STAC: variants seen among roughly 807,000 people sequenced by gnomAD.
STAC encodes the protein SH3 and cysteine-rich domain-containing protein.
Under a neutral mutation model 48.8 loss-of-function variants are expected in STAC, and 43 were observed. That is an observed-to-expected ratio of 0.88 (90% CI 0.69 to 1.14). The LOEUF is 1.14. Ranked by LOEUF, STAC falls within the 50% of genes most tolerant of loss-of-function variation. STAC has a pLI of 0.00. For missense variants in STAC, 497 were observed against 504.0 expected (o/e 0.99, Z 0.13); for synonymous variants, 193 against 179.5 (o/e 1.07, Z -0.60).
intron 1 of STAC, among the ~76,000 whole-genome samples, chr3:36,430,343 T>G (rs1230817466): frequency 3.3e-5 from 5 of 152,128 alleles, no homozygotes; most frequent in Non-Finnish European, 7.4e-5. Context: ...TTGAGCTCTA[T>G]GTGGAGAAGT....
intron 3 of STAC, among the ~76,000 whole-genome samples, chr3:36,483,812 G>A (rs966196664): frequency 2.6e-5 from 4 of 152,164 alleles, no homozygotes; most frequent in African/African-American, 9.7e-5. Flanking sequence ...TTAGCTGAGT[G>A]TGGTGGTGTG....
chr3:36,528,479 AAAAG>A (rs1297636327), intron 8 of STAC, among the ~76,000 whole-genome samples: 4 of 151,976 alleles, frequency 2.6e-5, no homozygotes, highest in African/African-American at 9.7e-5. Context: ...AAAAAAAAAA[AAAAG>A]AGTTATTTTT....
At chr3:36,540,414 A>G (rs1450025921) in intron 10 of STAC, among the ~76,000 whole-genome samples, 1 of 152,200 alleles carries the variant, frequency 6.6e-6, no homozygotes, top group Non-Finnish European at 1.5e-5. Context: ...TGGGATAGGG[A>G]GATACCCTAG....
chr3:36,546,236 C>G lies in STAC; in HGVS notation c.1156C>G (p.Leu386Val). Residue 386 changes from leucine to valine, a missense_variant, in exon 11 of 11, where the codon CTC becomes GTC. Leu to Val is a conservative substitution (Grantham distance 32, BLOSUM62 1). Transcript: ENST00000273183. ...EEEQDGFIRV[L>V]SGKKKGLIPL... ...AGAACAAGATGGTTTTATCAGAGTC[C>G]TCAGTGGAAAAAAGAAAGGCCTCAT... The G allele has an allele frequency of 3.1e-6, 5 of 1,614,012 alleles. No individual in the cohort carries two copies. The highest frequency in any genetic ancestry group is 4.2e-6 in the Non-Finnish European group (5 of 1,179,952).
intron 2 of STAC, 141 bp from the exon 3 acceptor site, chr3:36,482,851 A>C: frequency 1.6e-6 from 1 of 621,084 alleles, no homozygotes; most frequent in East Asian, 2.8e-5. Context: ...TCTACCATAT[A>C]TATTTTTTTT....
chr3:36,459,063 T>C (rs914103268), intron 2 of STAC: 1 of 152,182 alleles, frequency 6.6e-6, no homozygotes, highest in African/African-American at 2.4e-5. Flanking sequence ...AAGTAACTTA[T>C]AAGAGTTATG....
chr3:36,457,450 T>C lies in STAC; in HGVS notation c.388+13810T>C, dbSNP rs117948462. Among the ~76,000 whole-genome samples, 103 of 152,322 alleles carry C rather than the reference T, an allele frequency of 6.8e-4. No individual in the cohort carries two copies. The East Asian group carries it at 0.018, about 27-fold the overall frequency. On this transcript the variant is annotated intron_variant, in intron 2 of 10. Transcript: ENST00000273183. ...TTCACTATTATTAAAGCTATCTTTA[T>C]GTGTGAAAAGCAGGTTGATATTAAC...
intron 5 of STAC, among the ~76,000 whole-genome samples, chr3:36,489,058 C>A (rs1697896637): frequency 6.6e-6 from 1 of 152,166 alleles, no homozygotes; most frequent in African/African-American, 2.4e-5. Flanking sequence ...TTTATACAAA[C>A]AATGAAGAGT....
intron 1 of STAC, among the ~76,000 whole-genome samples, chr3:36,387,950 G>A (rs575300390): frequency 4.5e-4 from 69 of 152,164 alleles, no homozygotes; most frequent in African/African-American, 1.3e-3. Context: ...GGATTCTGAC[G>A]AGTAATGCAC....
intron 10 of STAC, among the ~76,000 whole-genome samples, chr3:36,532,720 A>C (rs561725485): frequency 5.9e-5 from 9 of 152,312 alleles, no homozygotes; most frequent in Admixed American, 5.9e-4. Flanking sequence ...CCACATGACT[A>C]TTCCTTTTTG....
chr3:36,501,070 C>T (rs765069494), intron 6 of STAC, among the ~76,000 whole-genome samples: 24 of 151,720 alleles, frequency 1.6e-4, no homozygotes, highest in Admixed American at 3.9e-4. Context: ...CCAGCCTGGG[C>T]GACAGAACAA....
chr3:36,543,592 C>T (rs1222007541), intron 10 of STAC, among the ~76,000 whole-genome samples: 2 of 152,106 alleles, frequency 1.3e-5, no homozygotes, highest in Non-Finnish European at 2.9e-5. Flanking sequence ...ACATAAAAAC[C>T]TTGAAAGAGA....
chr3:36,449,631 G>A (rs919213019), intron 2 of STAC, among the ~76,000 whole-genome samples: 3 of 152,154 alleles, frequency 2.0e-5, no homozygotes, highest in African/African-American at 7.2e-5. Flanking sequence ...CAAGTACTGT[G>A]TATTTTAAGA....
intron 1 of STAC, among the ~76,000 whole-genome samples, chr3:36,437,931 G>GTTATTATTATTA (rs146079093): frequency 0.11 from 15,260 of 140,432 alleles, 1,018 homozygotes; most frequent in Non-Finnish European, 0.15. Flanking sequence ...TATTCATTGA[G>GTTATTATTATTA]TTATTATTAT....
intron 1 of STAC, among the ~76,000 whole-genome samples, chr3:36,394,410 T>C (rs1414285619): frequency 6.6e-6 from 1 of 152,122 alleles, no homozygotes; most frequent in Non-Finnish European, 1.5e-5. Context: ...TATCCAAGTT[T>C]GAAAGAAAAC....
chr3:36,528,784 A>G (rs762407584), intron 9 of STAC, 37 bp downstream of exon 9: 3 of 1,599,012 alleles, frequency 1.9e-6, no homozygotes, highest in African/African-American at 1.4e-5. Context: ...AAAAGAGAAA[A>G]TCATTTGGTA....
At chr3:36,455,925 CAT>C (rs1313477508) in intron 2 of STAC, among the ~76,000 whole-genome samples, 20 of 152,306 alleles carry the variant, frequency 1.3e-4, no homozygotes, top group African/African-American at 4.3e-4. Flanking sequence ...CATTCTATCA[CAT>C]GTTAAGCATA....
chr3:36,405,105 C>T (rs1700065354), intron 1 of STAC, among the ~76,000 whole-genome samples: 1 of 152,178 alleles, frequency 6.6e-6, no homozygotes, highest in South Asian at 2.1e-4. Flanking sequence ...AGTTGAGCTT[C>T]AGGAGATCCC....
chr3:36,504,559 C>A, intron 7 of STAC, 102 bp downstream of exon 7: 1 of 910,538 alleles, frequency 1.1e-6, no homozygotes, highest in Non-Finnish European at 1.8e-6. Flanking sequence ...TGAGTCCAGA[C>A]CAGCATCTTT....
Sources: allele counts gnomAD v4.1 joint callset (sites outside exome capture counted in the v4.1 genomes callset), GRCh38; gene constraint gnomAD v4.1.1; transcripts MANE v1.5; gene names NCBI Gene and HGNC (gene_info 2026-07-23, HGNC 2026-07-21).